Variants in RIC1 observed in about 807,000 individuals in gnomAD.
RIC1 encodes the protein guanine nucleotide exchange factor subunit RIC1.
Under a neutral mutation model 169.0 loss-of-function variants are expected in RIC1, and 88 were observed. The observed-to-expected ratio is 0.52, with a 90% CI of 0.44 to 0.62. The LOEUF (loss-of-function observed/expected upper bound fraction) is 0.62. RIC1 is among the 20% of genes least tolerant of loss of function. The pLI, the probability that RIC1 is intolerant of heterozygous loss-of-function variation, is 0.00. For synonymous variants in RIC1, 790 were observed against 601.5 expected (o/e 1.31, Z -4.59); for missense variants, 1,877 against 1,725.5 (o/e 1.09, Z -1.56).
At chr9:5,697,707 G>A (rs1364394513) in intron 3 of RIC1, among the ~76,000 whole-genome samples, 3 of 152,174 alleles carry the variant, frequency 2.0e-5, no homozygotes, top group Non-Finnish European at 4.4e-5. Flanking sequence ...AAGCCTCTTA[G>A]TCCCAGAATT....
At position 5,720,713 on chromosome 9, in the gene RIC1, G is replaced by T; in HGVS notation, c.683G>T (p.Gly228Val). The T allele has an allele frequency of 6.2e-7, 1 of 1,611,868 alleles. No homozygotes were observed. The highest frequency in any genetic ancestry group is 8.5e-7 in the Non-Finnish European group (1 of 1,179,026). Residue 228 changes from glycine to valine, a missense_variant, in exon 6 of 26, where the codon GGA becomes GTA. By Grantham distance (109) the Gly-to-Val change is moderately radical. Transcript: ENST00000414202. ...GTTGTATTTAATGATGGTAAAGTTGGATTTATTACACCAGTGTCAAGTAGA... is the reference window on the plus strand; with the variant it reads ...GTTGTATTTAATGATGGTAAAGTTGTATTTATTACACCAGTGTCAAGTAGA... ...FAVVFNDGKV[G>V]FITPVSSRFT...
chr9:5,695,879 C>T (rs768015684), intron 3 of RIC1, among the ~76,000 whole-genome samples: 2 of 152,046 alleles, frequency 1.3e-5, no homozygotes, highest in African/African-American at 2.4e-5. Context: ...CCTATTATGT[C>T]TTCTTAATGT....
At chr9:5,671,292 C>T (rs1298547834) in intron 2 of RIC1, among the ~76,000 whole-genome samples, 13 of 146,060 alleles carry the variant, frequency 8.9e-5, no homozygotes, top group East Asian at 5.9e-4. Flanking sequence ...TTTTTTGAGA[C>T]GGCATCTTGC....
intron 6 of RIC1, among the ~76,000 whole-genome samples, chr9:5,729,573 A>G (rs914114585): frequency 6.6e-6 from 1 of 152,178 alleles, no homozygotes; most frequent in South Asian, 2.1e-4. Flanking sequence ...TTTTTAAACA[A>G]AAACTCTTTT....
intron 1 of RIC1, among the ~76,000 whole-genome samples, chr9:5,630,394 A>C (rs1026481085): frequency 3.2e-4 from 48 of 152,244 alleles, no homozygotes; most frequent in Admixed American, 1.4e-3. Flanking sequence ...CTCCTTTCCA[A>C]GTTAATTTGA....
chr9:5,702,938 C>T (rs1822327110), intron 3 of RIC1, among the ~76,000 whole-genome samples: 2 of 152,170 alleles, frequency 1.3e-5, no homozygotes, highest in African/African-American at 4.8e-5. Context: ...ATCCAGTCAC[C>T]TCCCACCAGG....
At chr9:5,751,034 G>A (rs543370758) in intron 12 of RIC1, among the ~76,000 whole-genome samples, 1 of 151,768 alleles carries the variant, frequency 6.6e-6, no homozygotes, top group Non-Finnish European at 1.5e-5. Flanking sequence ...TGATCATAGT[G>A]TGATCATTTG....
At chr9:5,690,102 T>C in intron 3 of RIC1, 64 bp downstream of exon 3, 1 of 1,171,662 alleles carries the variant, frequency 8.5e-7, no homozygotes, top group Non-Finnish European at 1.2e-6. Context: ...AGAAAAACAT[T>C]ACAGTTTTGA....
intron 7 of RIC1, among the ~76,000 whole-genome samples, chr9:5,735,905 T>G (rs1198475940): frequency 6.6e-6 from 1 of 152,214 alleles, no homozygotes; most frequent in African/African-American, 2.4e-5. Context: ...TTTGATCACT[T>G]ATGGTGATAA....
chr9:5,763,345 A>G lies in RIC1; in HGVS notation c.2318A>G (p.His773Arg). 1 of 1,614,102 alleles carries G rather than the reference A, an allele frequency of 6.2e-7. No homozygotes were observed. Among genetic ancestry groups the G allele is most frequent in the Non-Finnish European group, 8.5e-7 (1 of 1,180,014 alleles). Residue 773 changes from histidine (H) to arginine (R), a missense_variant, in exon 19 of 26, where the codon CAC (histidine) becomes CGC (arginine). Coordinates refer to ENST00000414202, the MANE Select transcript of RIC1 (RefSeq NM_020829.4). This position sits in a 1 kb window ranked among gnomAD's most constrained non-coding sequence, Gnocchi z 5.2. ...TCCCAGCGGATCATGCTGCCTTTCCACATCAACATTTACCCGCTAGCTGTT... is the reference window on the plus strand; with the variant it reads ...TCCCAGCGGATCATGCTGCCTTTCCGCATCAACATTTACCCGCTAGCTGTT... Reference protein sequence around the residue: ...FLSQRIMLPFHINIYPLAVLF... With the variant: ...FLSQRIMLPFRINIYPLAVLF...
At chr9:5,677,107 T>C (rs1820497249) in intron 2 of RIC1, among the ~76,000 whole-genome samples, 1 of 152,238 alleles carries the variant, frequency 6.6e-6, no homozygotes, top group Non-Finnish European at 1.5e-5. Flanking sequence ...TGTGAAACTT[T>C]TCTGAAGTAG....
chr9:5,663,422 T>C (rs572164881), intron 2 of RIC1, among the ~76,000 whole-genome samples: 97 of 152,230 alleles, frequency 6.4e-4, no homozygotes, highest in African/African-American at 2.2e-3. Context: ...TTGTCAATGG[T>C]GTGTTAAGTC....
At chr9:5,758,766 G>C (rs1826162441) in intron 17 of RIC1, among the ~76,000 whole-genome samples, 1 of 81,372 alleles carries the variant, frequency 1.2e-5, no homozygotes. Context: ...TTTTTTTTGA[G>C]ATGGAGTCTC....
intron 3 of RIC1, among the ~76,000 whole-genome samples, chr9:5,695,922 C>G (rs903340923): frequency 4.0e-5 from 6 of 151,264 alleles, no homozygotes; most frequent in Admixed American, 3.3e-4. Flanking sequence ...TCACTTACCC[C>G]CTGCCAAGCC....
chr9:5,653,031 C>G (rs1451604990), intron 1 of RIC1, among the ~76,000 whole-genome samples: 1 of 152,152 alleles, frequency 6.6e-6, no homozygotes, highest in African/African-American at 2.4e-5. Flanking sequence ...CTGAACCATC[C>G]TTGCATTCCT....
At chr9:5,678,809 A>T (rs901312016) in intron 2 of RIC1, among the ~76,000 whole-genome samples, 6 of 151,990 alleles carry the variant, frequency 3.9e-5, no homozygotes, top group African/African-American at 1.5e-4. Context: ...GTTCACTCTG[A>T]TGGTAGTTTC....
chr9:5,693,869 T>G lies in RIC1; in HGVS notation c.332+3831T>G, dbSNP rs564461286. Among the ~76,000 whole-genome samples, 4 of 151,864 alleles carry G rather than the reference T, an allele frequency of 2.6e-5. No homozygotes were observed. In the East Asian group the frequency reaches 7.7e-4, roughly 29 times the overall value. On this transcript the variant is annotated intron_variant, in intron 3 of 25. Coordinates refer to ENST00000414202, the MANE Select transcript of RIC1 (RefSeq NM_020829.4). Reference sequence around the variant, plus strand: ...TCTTTTCACTGCTACTATTACCCTCTTTTTTGTTAGAGACTAGCATTTTTG... The same window carrying G: ...TCTTTTCACTGCTACTATTACCCTCGTTTTTGTTAGAGACTAGCATTTTTG...
intron 2 of RIC1, among the ~76,000 whole-genome samples, chr9:5,664,102 TCTTTA>T (rs1252154302): frequency 2.6e-5 from 4 of 152,130 alleles, no homozygotes; most frequent in Middle Eastern, 3.2e-3. Context: ...GGTTGGAAAT[TCTTTA>T]CTTTAAGAAT....
chr9:5,769,051 T>C lies in RIC1; in HGVS notation c.3219T>C (p.Asp1073=), dbSNP rs1303530561. The C allele has an allele frequency of 1.2e-6, 2 of 1,614,070 alleles. No individual in the cohort carries two copies. Among genetic ancestry groups the C allele is most frequent in the South Asian group, 2.2e-5 (2 of 91,080 alleles). Residue 1073 remains aspartate, a synonymous_variant, in exon 22 of 26, where the codon GAT becomes GAC. Coordinates refer to ENST00000414202, the MANE Select transcript of RIC1 (RefSeq NM_020829.4). ...GACATGCTCGGCGCCTCTTAGAAGA[T>C]GTGAGGTTAAAGGACCTTGGCTGCT... ...LWRHARRLLE[D]VRLKDLGCFA... is the part of the protein sequence containing the mutation.
Sources: allele counts gnomAD v4.1 joint callset (sites outside exome capture counted in the v4.1 genomes callset), GRCh38; gene constraint gnomAD v4.1.1; non-coding constraint Gnocchi (gnomAD v3.1); transcripts MANE v1.5; gene names NCBI Gene and HGNC (gene_info 2026-07-23, HGNC 2026-07-21).